Variants in BCL9 observed in about 807,000 individuals in gnomAD.
BCL9 encodes B-cell CLL/lymphoma 9 protein.
In BCL9, 25 loss-of-function variants were observed where a neutral mutation model predicts 88.5. That is an observed-to-expected ratio of 0.28 (90% CI 0.21 to 0.39). The LOEUF is 0.39. Ranked by LOEUF, BCL9 falls within the 10% of genes least tolerant of loss-of-function variation. The pLI is 1.00. For synonymous variants in BCL9, 711 were observed against 673.3 expected, an observed-to-expected ratio of 1.06 and a Z score of -0.87; for missense variants, 1,817 against 1,877.8, an observed-to-expected ratio of 0.97 and a Z score of 0.60.
intron 8 of BCL9, 63 bp downstream of exon 8, chr1:147,621,120 A>G (rs1267242366): frequency 1.3e-5 from 19 of 1,479,798 alleles, no homozygotes; most frequent in Non-Finnish European, 1.5e-5. Flanking sequence ...CCTGATAGTT[A>G]CTTTAAGAAA....
chr1:147,620,237 A>G lies in BCL9; in HGVS notation c.2082A>G (p.Pro694=), dbSNP rs1553204959. ...GPLSPSRGDF[P]KGIPPQMGPG... ...TGAGTCCTTCTAGGGGTGACTTTCC[A>G]AAAGGAATTCCCCCACAGATGGGCC... Residue 694 remains proline, a synonymous_variant, in exon 8 of 10, where the codon CCA becomes CCG. Transcript: ENST00000234739. The G allele has an allele frequency of 6.8e-6, 11 of 1,614,140 alleles. No individual in the cohort carries two copies. Among genetic ancestry groups the G allele is most frequent in the South Asian group, 1.1e-5 (1 of 91,082 alleles).
At chr1:147,547,629 C>T (rs782643687) in intron 1 of BCL9, among the ~76,000 whole-genome samples, 2 of 152,256 alleles carry the variant, frequency 1.3e-5, no homozygotes, top group Middle Eastern at 3.4e-3. Flanking sequence ...AATTTTTTGA[C>T]TTACAATGTT....
intron 1 of BCL9, among the ~76,000 whole-genome samples, chr1:147,598,262 AATT>A (rs1553200672): frequency 6.6e-6 from 1 of 152,182 alleles, no homozygotes; most frequent in Non-Finnish European, 1.5e-5. Flanking sequence ...AAGGCATTTT[AATT>A]ATTTTCTATT....
chr1:147,619,810 A>C lies in BCL9; in HGVS notation c.1655A>C (p.His552Pro), dbSNP rs1371265033. 1 of 1,613,838 alleles carries C rather than the reference A, an allele frequency of 6.2e-7. No individual in the cohort carries two copies. Among genetic ancestry groups the C allele is most frequent in the Admixed American group, 1.7e-5 (1 of 59,988 alleles). The change falls in exon 8 of 10, where the codon CAC becomes CCC. Residue 552 changes from histidine (H) to proline (P), a missense_variant. Physicochemically the swap from His to Pro is moderately conservative, Grantham distance 77. Transcript: ENST00000234739. This position sits in a 1 kb window ranked among gnomAD's most constrained non-coding sequence, Gnocchi z 4.1. ...HSLPPRGMAP[H>P]PNMPGSQMRL... is the part of the protein sequence containing the mutation. ...CTGCCCCCGAGGGGCATGGCTCCCC[A>C]CCCCAACATGCCAGGGAGCCAGATG...
chr1:147,588,464 G>A (rs1282076570), intron 1 of BCL9, among the ~76,000 whole-genome samples: 3 of 152,098 alleles, frequency 2.0e-5, no homozygotes, highest in African/African-American at 7.2e-5. Context: ...TATGAAATAA[G>A]GTGAAACAAA....
At chr1:147,605,589 T>TA (rs1235466822) in intron 2 of BCL9, among the ~76,000 whole-genome samples, 2 of 152,244 alleles carry the variant, frequency 1.3e-5, no homozygotes, top group Non-Finnish European at 2.9e-5. Context: ...GAGGTATTTT[T>TA]ACCCCATGAG....
chr1:147,620,493 G>A lies in BCL9; in HGVS notation c.2338G>A (p.Gly780Ser), dbSNP rs782600501. 3.7e-6 allele frequency: 6 copies of A among 1,614,012 alleles called. No homozygotes were observed. The highest frequency in any genetic ancestry group is 5.1e-6 in the Non-Finnish European group (6 of 1,180,024). Residue 780 changes from glycine to serine, a missense_variant, in exon 8 of 10, where the codon GGC becomes AGC. This residue lies in a region of BCL9 where 1,228 missense variants were observed against 1,191.6 expected (regional missense o/e 1.03). Coordinates refer to ENST00000234739, the MANE Select transcript of BCL9 (RefSeq NM_004326.4). ...GCACCCCCAGCAGGAGTATGGCATG[G>A]GCCCCAGACCATTCCTTCCCATGTC... ...GEHPQQEYGM[G>S]PRPFLPMSQG...
intron 2 of BCL9, among the ~76,000 whole-genome samples, chr1:147,605,610 T>C (rs1284715792): frequency 6.6e-6 from 1 of 152,242 alleles, no homozygotes. Flanking sequence ...TACTAAAATG[T>C]ACATTAATAT....
intron 2 of BCL9, among the ~76,000 whole-genome samples, chr1:147,605,776 T>A (rs1657668354): frequency 6.6e-6 from 1 of 152,202 alleles, no homozygotes; most frequent in South Asian, 2.1e-4. Flanking sequence ...AGGAATGGAA[T>A]CCTGAGGCTT....
chr1:147,573,365 A>G (rs1160658382), intron 1 of BCL9, among the ~76,000 whole-genome samples: 2 of 152,328 alleles, frequency 1.3e-5, no homozygotes, highest in Admixed American at 6.5e-5. Flanking sequence ...AGGCAGGAGA[A>G]TCACTTGAAC....
chr1:147,619,808 C>T lies in BCL9; in HGVS notation c.1653C>T (p.Pro551=), dbSNP rs782389552. ...PHSLPPRGMA[P]HPNMPGSQMR... ...CTCTGCCCCCGAGGGGCATGGCTCCCCACCCCAACATGCCAGGGAGCCAGA... is the reference window on the plus strand; with the variant it reads ...CTCTGCCCCCGAGGGGCATGGCTCCTCACCCCAACATGCCAGGGAGCCAGA... The change falls in exon 8 of 10, where the codon CCC becomes CCT. Residue 551 remains proline, a synonymous_variant. Transcript: ENST00000234739. The surrounding 1 kb of genome is among the most constrained non-coding windows in gnomAD (Gnocchi z 4.1). The T allele has an allele frequency of 1.2e-6, 2 of 1,614,162 alleles. No individual in the cohort carries two copies. The highest frequency in any genetic ancestry group is 1.1e-5 in the South Asian group (1 of 91,080).
At chr1:147,621,345 G>C (rs1553205383) in intron 8 of BCL9, among the ~76,000 whole-genome samples, 1 of 152,188 alleles carries the variant, frequency 6.6e-6, no homozygotes, top group South Asian at 2.1e-4. Flanking sequence ...ATGAACAAAT[G>C]CAATAAAATG....
chr1:147,583,588 G>A lies in BCL9; in HGVS notation c.-477-21189G>A, dbSNP rs187589073. On this transcript the variant is annotated intron_variant, in intron 1 of 9. Coordinates refer to ENST00000234739, the MANE Select transcript of BCL9 (RefSeq NM_004326.4). The stretch of plus-strand genomic sequence containing the variant: ...CCACTATGCCCAGCCTAGATCGTTT[G>A]CCTTTTAATTTTATGATTTTTTTTT... Among the ~76,000 whole-genome samples the A allele has an allele frequency of 8.1e-3, 1,225 of 152,038 alleles. 21 individuals are homozygous for A. Among genetic ancestry groups the A allele is most frequent in the African/African-American group, 0.028 (1,171 of 41,494 alleles).
intron 1 of BCL9, among the ~76,000 whole-genome samples, chr1:147,564,664 G>A (rs1270243599): frequency 1.3e-5 from 2 of 152,126 alleles, no homozygotes; most frequent in Non-Finnish European, 2.9e-5. Context: ...ACAACTGTAA[G>A]GTACTATTAT....
At chr1:147,623,364 A>G (rs1553205789) in intron 9 of BCL9, among the ~76,000 whole-genome samples, 1 of 152,194 alleles carries the variant, frequency 6.6e-6, no homozygotes, top group African/African-American at 2.4e-5. Context: ...TGGAATCTCG[A>G]GTTTTAAATG....
In BCL9 at chr1:147,619,845, G is replaced by A; in HGVS notation, c.1690G>A (p.Gly564Arg). 1.2e-6 allele frequency: 2 copies of A among 1,614,144 alleles called. No individual in the cohort carries two copies. The highest frequency in any genetic ancestry group is 2.2e-5 in the South Asian group (2 of 91,082). The change falls in exon 8 of 10, where the codon GGA (glycine) becomes AGA (arginine). Residue 564 changes from glycine to arginine, a missense_variant. Physicochemically the swap from Gly to Arg is moderately radical, Grantham distance 125. This residue lies in a region of BCL9 where 1,228 missense variants were observed against 1,191.6 expected (regional missense o/e 1.03). Transcript: ENST00000234739. This position sits in a 1 kb window ranked among gnomAD's most constrained non-coding sequence, Gnocchi z 4.1. Reference protein sequence around the residue: ...NMPGSQMRLPGFAGMINSEME... With the variant: ...NMPGSQMRLPRFAGMINSEME... ...GCCAGGGAGCCAGATGCGCCTCCCT[G>A]GATTTGCAGGCATGATAAACTCTGA...
chr1:147,598,893 A>C (rs1281735332), intron 1 of BCL9, among the ~76,000 whole-genome samples: 1 of 152,224 alleles, frequency 6.6e-6, no homozygotes, highest in Non-Finnish European at 1.5e-5. Flanking sequence ...GATGGAGCAG[A>C]ATAGCCCGAA....
chr1:147,569,198 T>A lies in BCL9; in HGVS notation c.-478+27524T>A, dbSNP rs148424348. Among the ~76,000 whole-genome samples the A allele has an allele frequency of 1.9e-3, 285 of 151,734 alleles. 2 individuals carry two copies. Among genetic ancestry groups the A allele is most frequent in the Middle Eastern group, 6.8e-3 (2 of 294 alleles). On this transcript the variant is annotated intron_variant, in intron 1 of 9. Coordinates refer to ENST00000234739, the MANE Select transcript of BCL9 (RefSeq NM_004326.4). The stretch of plus-strand genomic sequence containing the variant: ...GGGCAGCGAGGAAGAGGGAACAGAA[T>A]GTGCAAGGTCATGGAGCTATTAAAG...
rs1553205137 is a variant in BCL9, at chr1:147,620,733, A to G, written c.2578A>G (p.Ile860Val). The change falls in exon 8 of 10, where the codon ATT (isoleucine) becomes GTT (valine). Residue 860 changes from isoleucine (I) to valine (V), a missense_variant. Physicochemically the swap from Ile to Val is conservative, Grantham distance 29. Coordinates refer to ENST00000234739, the MANE Select transcript of BCL9 (RefSeq NM_004326.4). ...VAGSQVHSPG[I>V]NPLKSPTMHQ... ...AGGCAGCCAGGTGCATTCCCCAGGC[A>G]TTAACCCTCTGAAGTCTCCCACGAT... The G allele has an allele frequency of 1.9e-6, 3 of 1,614,126 alleles. No individual in the cohort carries two copies. The highest frequency in any genetic ancestry group is 3.3e-5 in the Admixed American group (2 of 60,020).
Sources: allele counts gnomAD v4.1 joint callset (sites outside exome capture counted in the v4.1 genomes callset), GRCh38; gene constraint gnomAD v4.1.1; regional missense constraint gnomAD v4.1.1; non-coding constraint Gnocchi (gnomAD v3.1); transcripts MANE v1.5; gene names NCBI Gene and HGNC (gene_info 2026-07-23, HGNC 2026-07-21).